The following FREM2 variants were observed in gnomAD, a reference collection of about 807,000 sequenced individuals.
FREM2 encodes FRAS1 related extracellular matrix 2.
A neutral mutation model predicts 219.9 loss-of-function variants in FREM2; 119 were observed. That is an observed-to-expected ratio of 0.54 (90% CI 0.47 to 0.63). The LOEUF is 0.63. Ranked by LOEUF, FREM2 falls within the 30% of genes least tolerant of loss-of-function variation. FREM2 has a pLI of 0.00. For missense variants in FREM2, 4,030 were observed against 3,993.6 expected (o/e 1.01, Z -0.25); for synonymous variants, 1,562 against 1,522.8 (o/e 1.03, Z -0.60).
In FREM2 at chr13:38,857,449, A is replaced by T. The variant is rs1481556693; in HGVS notation, c.7057-426A>T. On this transcript the variant is annotated intron_variant, in intron 12 of 23. Coordinates refer to ENST00000280481, the MANE Select transcript of FREM2 (RefSeq NM_207361.6). Reference sequence around the variant, plus strand: ...TGGCATCTGCTTCATCCAGGCTCACACTATCCCATGACCTCTGTGATATTC... The same window carrying T: ...TGGCATCTGCTTCATCCAGGCTCACTCTATCCCATGACCTCTGTGATATTC... 9.9e-5 allele frequency among the ~76,000 whole-genome samples: 15 copies of T among 152,092 alleles called. No homozygotes were observed. In the East Asian group the frequency reaches 2.9e-3, roughly 29 times the overall value.
chr13:38,859,616 A>G (rs1395707527), intron 14 of FREM2, 26 bp downstream of exon 14: 30 of 1,599,800 alleles, frequency 1.9e-5, no homozygotes, highest in Non-Finnish European at 2.5e-5. Flanking sequence ...TTTCCCCTGA[A>G]GATCACTGGA....
intron 6 of FREM2, 48 bp from the exon 7 acceptor site, chr13:38,846,525 G>A: frequency 6.3e-7 from 1 of 1,591,176 alleles, no homozygotes; most frequent in Non-Finnish European, 8.6e-7. Flanking sequence ...AGAGTTTGAT[G>A]TGAAAAAATA....
chr13:38,792,377 A>T (rs909105605), intron 6 of FREM2, among the ~76,000 whole-genome samples: 3 of 151,962 alleles, frequency 2.0e-5, no homozygotes, highest in Admixed American at 1.3e-4. Flanking sequence ...AGTCCCTTCA[A>T]TTTTTCCATG....
At chr13:38,703,432 A>G (rs1870418054) in intron 2 of FREM2, among the ~76,000 whole-genome samples, 1 of 152,176 alleles carries the variant, frequency 6.6e-6, no homozygotes, top group Non-Finnish European at 1.5e-5. Context: ...AATATTTTTA[A>G]TCTGTGAGAG....
rs540964551 is a variant in FREM2 at position 38,767,978 on chromosome 13, A to T, written c.5411-1600A>T. ...AACAGTCATTGATATATTCCTATAT[A>T]TAAATACATATTCAAATGACTCTTA... On this transcript the variant is annotated intron_variant, in intron 3 of 23. Transcript: ENST00000280481. Among the ~76,000 whole-genome samples, 495 of 152,334 alleles carry T rather than the reference A, an allele frequency of 3.2e-3. 5 individuals carry two copies. Among genetic ancestry groups the T allele is most frequent in the Non-Finnish European group, 3.2e-3 (220 of 68,024 alleles).
rs967617687 is a variant in FREM2, at chr13:38,718,433, C to T, written c.5263+20646C>T. 3.3e-5 allele frequency among the ~76,000 whole-genome samples: 5 copies of T among 152,072 alleles called. 1 individual carries two copies. In the South Asian group the frequency reaches 1.0e-3, roughly 31 times the overall value. ...TACTGCTTTTAAGAATTGATGGGAC[C>T]AAGACCCCCTTTACAATTCCTTCTC... is the stretch of plus-strand genomic sequence containing the variant. On this transcript the variant is annotated intron_variant, in intron 2 of 23. Coordinates refer to ENST00000280481, the MANE Select transcript of FREM2 (RefSeq NM_207361.6).
At position 38,856,228 on chromosome 13, in the gene FREM2, C is replaced by G; in HGVS notation, c.7028C>G (p.Pro2343Arg). 1 of 1,612,800 alleles carries G rather than the reference C, an allele frequency of 6.2e-7. No homozygotes were observed. Among genetic ancestry groups the G allele is most frequent in the Non-Finnish European group, 8.5e-7 (1 of 1,179,098 alleles). Residue 2343 changes from proline (P) to arginine (R), a missense_variant, in exon 12 of 24, where the codon CCT becomes CGT. By Grantham distance (103) the Pro-to-Arg change is moderately radical. Around this residue, in one of 2 missense-constraint regions of FREM2, gnomAD observed 928 missense variants for 1,042.9 expected, o/e 0.89. Coordinates refer to ENST00000280481, the MANE Select transcript of FREM2 (RefSeq NM_207361.6). ...GAGGCCTTCACTGTTCACCTAAAACCTGATGAAAATATGATAGCAGAGATG... is the reference window on the plus strand; with the variant it reads ...GAGGCCTTCACTGTTCACCTAAAACGTGATGAAAATATGATAGCAGAGATG... ...MREAFTVHLKPDENMIAEMQL... is the reference protein window; with the variant it reads ...MREAFTVHLKRDENMIAEMQL...
At chr13:38,874,937 C>T (rs1878292174) in intron 18 of FREM2, among the ~76,000 whole-genome samples, 1 of 152,176 alleles carries the variant, frequency 6.6e-6, no homozygotes, top group African/African-American at 2.4e-5. Context: ...ATGATTCATT[C>T]AGCAAGCACT....
rs1347483504 is a variant in FREM2 at position 38,884,418 on chromosome 13, A to G, written c.*3631A>G. 1 of 152,204 alleles carries G rather than the reference A, an allele frequency of 6.6e-6. No individual in the cohort carries two copies. The highest frequency in any genetic ancestry group is 1.5e-5 in the Non-Finnish European group (1 of 68,032). The allele number at this position is 152,204 out of a possible 1,614,324, so 9.4% of individuals were successfully genotyped here. The stretch of plus-strand genomic sequence containing the variant: ...CAATAATAGAGCTAAATACAATGAC[A>G]TTTGCTTTTAAAAGGTGGATATTTT... On this transcript the variant is annotated 3_prime_UTR_variant, in exon 24 of 24. Transcript: ENST00000280481.
At chr13:38,830,354 T>G (rs1165541304) in intron 6 of FREM2, among the ~76,000 whole-genome samples, 1 of 152,200 alleles carries the variant, frequency 6.6e-6, no homozygotes, top group African/African-American at 2.4e-5. Context: ...GCATTGTCAC[T>G]GTATTTCTGA....
chr13:38,768,999 A>G (rs1228896473), intron 3 of FREM2, among the ~76,000 whole-genome samples: 1 of 152,212 alleles, frequency 6.6e-6, no homozygotes, highest in African/African-American at 2.4e-5. Flanking sequence ...CCAGAAAGAA[A>G]AATTTTGCAG....
chr13:38,838,988 T>C (rs1422561422), intron 6 of FREM2, among the ~76,000 whole-genome samples: 1 of 152,152 alleles, frequency 6.6e-6, no homozygotes, highest in Non-Finnish European at 1.5e-5. Context: ...CTACACCCAG[T>C]TTTGTTCCCT....
chr13:38,815,221 C>T (rs773759267), intron 6 of FREM2, among the ~76,000 whole-genome samples: 3 of 152,080 alleles, frequency 2.0e-5, no homozygotes, highest in Non-Finnish European at 4.4e-5. Flanking sequence ...TATTTCATTG[C>T]GTTGTTTTAC....
chr13:38,699,950 ATGAAATG>A (rs2138081840), intron 2 of FREM2, among the ~76,000 whole-genome samples: 1 of 152,250 alleles, frequency 6.6e-6, no homozygotes, highest in South Asian at 2.1e-4. Context: ...CCGATGAAAT[ATGAAATG>A]TGTGAGTATT....
chr13:38,746,860 T>A (rs962926756), intron 2 of FREM2, among the ~76,000 whole-genome samples: 1 of 152,102 alleles, frequency 6.6e-6, no homozygotes, highest in East Asian at 1.9e-4. Context: ...AAGAAGATTT[T>A]ACCAAGACAG....
chr13:38,870,609 T>C (rs2137931790), intron 16 of FREM2, among the ~76,000 whole-genome samples: 1 of 152,256 alleles, frequency 6.6e-6, no homozygotes, highest in Admixed American at 6.5e-5. Flanking sequence ...GTCAAGATAG[T>C]TTCATTTAGG....
chr13:38,864,144 T>C, intron 15 of FREM2, 131 bp from the exon 16 acceptor site: 1 of 729,682 alleles, frequency 1.4e-6, no homozygotes, highest in Non-Finnish European at 2.4e-6. Flanking sequence ...ACCACTTTGA[T>C]CTGTATGCCA....
At chr13:38,854,479 C>T (rs1013669364) in intron 11 of FREM2, among the ~76,000 whole-genome samples, 1 of 152,098 alleles carries the variant, frequency 6.6e-6, no homozygotes, top group East Asian at 1.9e-4. Context: ...GCCTAGTGTT[C>T]GTAGTCTTCT....
chr13:38,846,326 A>G lies in FREM2; in HGVS notation c.6020-247A>G, dbSNP rs1877151515. ...TTATAATCCCACATATGAAGCACAA[A>G]CAAACTTATGCCTCAAGATGAGAAT... On this transcript the variant is annotated intron_variant, in intron 6 of 23. Transcript: ENST00000280481. Among the ~76,000 whole-genome samples, 3 of 152,270 alleles carry G rather than the reference A, an allele frequency of 2.0e-5. 1 individual carries two copies. Among genetic ancestry groups the G allele is most frequent in the Middle Eastern group, 6.8e-3 (2 of 294 alleles).
Sources: gnomAD v4.1 joint callset for allele counts (sites outside exome capture counted in the v4.1 genomes callset) on GRCh38, gnomAD v4.1.1 for gene constraint, gnomAD v4.1.1 regional missense constraint, MANE v1.5 for transcripts, NCBI Gene and HGNC (gene_info 2026-07-23, HGNC 2026-07-21) for gene names.